The following PLXNA4 variants were observed in gnomAD, a reference collection of about 807,000 sequenced individuals.
The protein encoded by PLXNA4 is plexin-A4.
A neutral mutation model predicts 191.8 loss-of-function variants in PLXNA4; 44 were observed. The observed-to-expected ratio is 0.23, with a 90% CI of 0.18 to 0.29. The LOEUF is 0.29. Ranked by LOEUF, PLXNA4 falls within the 10% of genes least tolerant of loss-of-function variation. The pLI, the probability that PLXNA4 is intolerant of heterozygous loss-of-function variation, is 1.00. For missense variants in PLXNA4, 1,800 were observed against 2,488.8 expected, an observed-to-expected ratio of 0.72 and a Z score of 5.89; for synonymous variants, 1,082 against 1,009.5, an observed-to-expected ratio of 1.07 and a Z score of -1.36.
intron 1 of PLXNA4, among the ~76,000 whole-genome samples, chr7:132,526,947 T>A (rs762679353): frequency 6.6e-6 from 1 of 152,188 alleles, no homozygotes; most frequent in Non-Finnish European, 1.5e-5. Context: ...CAAGAGACAC[T>A]GATGAAGCAA....
At chr7:132,644,084 G>A (rs780191137) in intron 2 of PLXNA4, among the ~76,000 whole-genome samples, 9 of 152,136 alleles carry the variant, frequency 5.9e-5, no homozygotes, top group Non-Finnish European at 8.8e-5. Context: ...ATTTATTACC[G>A]TGGGTTGCAG....
intron 9 of PLXNA4, among the ~76,000 whole-genome samples, chr7:132,222,942 C>A (rs943878506): frequency 9.2e-5 from 14 of 152,304 alleles, no homozygotes; most frequent in Middle Eastern, 3.4e-3. Flanking sequence ...CTGCACCCTG[C>A]CCCCGGAGCT....
chr7:132,615,339 G>C (rs893508803), intron 2 of PLXNA4, among the ~76,000 whole-genome samples: 3 of 152,154 alleles, frequency 2.0e-5, no homozygotes, highest in Non-Finnish European at 2.9e-5. Flanking sequence ...TGTGCAGCAC[G>C]AACCCCACTC....
intron 1 of PLXNA4, among the ~76,000 whole-genome samples, chr7:132,567,078 G>A (rs1360003676): frequency 2.0e-5 from 3 of 152,034 alleles, no homozygotes; most frequent in Non-Finnish European, 2.9e-5. Context: ...CCACACAAAC[G>A]GATCCCCATG....
chr7:132,386,487 GC>G (rs1410508096), intron 3 of PLXNA4, among the ~76,000 whole-genome samples: 1 of 152,154 alleles, frequency 6.6e-6, no homozygotes, highest in African/African-American at 2.4e-5. Context: ...TTGCAGCCTA[GC>G]TTTTTCTTTC....
At chr7:132,307,822 A>G (rs1314065874) in intron 3 of PLXNA4, among the ~76,000 whole-genome samples, 1 of 152,156 alleles carries the variant, frequency 6.6e-6, no homozygotes, top group African/African-American at 2.4e-5. Context: ...GATTCCAGCC[A>G]GGAGAAAGGG....
At chr7:132,245,975 T>C (rs997707347) in intron 4 of PLXNA4, among the ~76,000 whole-genome samples, 2 of 152,232 alleles carry the variant, frequency 1.3e-5, no homozygotes, top group African/African-American at 4.8e-5. Flanking sequence ...AAAGACTTTC[T>C]GTTTGAGCAA....
At chr7:132,333,464 T>C (rs1172669146) in intron 3 of PLXNA4, among the ~76,000 whole-genome samples, 5 of 152,154 alleles carry the variant, frequency 3.3e-5, no homozygotes, top group Non-Finnish European at 7.4e-5. Context: ...TCTAGGCCAG[T>C]GCCAGTGCCA....
chr7:132,355,258 G>T (rs767680547), intron 3 of PLXNA4, among the ~76,000 whole-genome samples: 2 of 152,144 alleles, frequency 1.3e-5, no homozygotes, highest in South Asian at 4.1e-4. Context: ...CCAGCTTCCC[G>T]TGTCCCAATT....
At chr7:132,235,771 A>C (rs946063186) in intron 5 of PLXNA4, among the ~76,000 whole-genome samples, 1 of 152,156 alleles carries the variant, frequency 6.6e-6, no homozygotes, top group African/African-American at 2.4e-5. Context: ...TGGGAGGGGA[A>C]GATGGAGAGG....
chr7:132,198,130 G>A (rs1181921883), intron 13 of PLXNA4, among the ~76,000 whole-genome samples: 2 of 152,120 alleles, frequency 1.3e-5, no homozygotes, highest in Non-Finnish European at 2.9e-5. Context: ...GTGCTGGGGG[G>A]GATGTGAGCG....
At chr7:132,314,641 G>C (rs929566700) in intron 3 of PLXNA4, among the ~76,000 whole-genome samples, 1 of 152,184 alleles carries the variant, frequency 6.6e-6, no homozygotes, top group Non-Finnish European at 1.5e-5. Context: ...TTACTCTGGG[G>C]TTCCAAAAGA....
chr7:132,561,480 C>G (rs1462146871), intron 1 of PLXNA4, among the ~76,000 whole-genome samples: 5 of 137,244 alleles, frequency 3.6e-5, no homozygotes, highest in African/African-American at 8.3e-5. Flanking sequence ...CCTCCTTCTT[C>G]TCCTCCTCCT....
At chr7:132,419,571 G>A (rs1794780462) in intron 3 of PLXNA4, among the ~76,000 whole-genome samples, 1 of 152,208 alleles carries the variant, frequency 6.6e-6, no homozygotes, top group Non-Finnish European at 1.5e-5. Flanking sequence ...CTTACAACAA[G>A]TGATACACTC....
chr7:132,625,735 T>C (rs890879567), intron 2 of PLXNA4, among the ~76,000 whole-genome samples: 1 of 152,192 alleles, frequency 6.6e-6, no homozygotes, highest in African/African-American at 2.4e-5. Flanking sequence ...TGCACTGTCA[T>C]TGAAGAAGTC....
chr7:132,474,212 T>TCACA (rs1304784396), intron 3 of PLXNA4, among the ~76,000 whole-genome samples: 1 of 100,986 alleles, frequency 9.9e-6, no homozygotes, highest in African/African-American at 4.8e-5. Flanking sequence ...GATCTCTCTG[T>TCACA]CTCACACACA....
chr7:132,508,060 C>A lies in PLXNA4; in HGVS notation c.634G>T (p.Gly212Cys). The A allele has an allele frequency of 6.2e-7, 1 of 1,614,234 alleles. No homozygotes were observed. Among genetic ancestry groups the A allele is most frequent in the Non-Finnish European group, 8.5e-7 (1 of 1,180,042 alleles). The change falls in exon 2 of 32, where the codon GGC becomes TGC. Residue 212 changes from glycine (G) to cysteine (C), a missense_variant. Transcript: ENST00000321063. This position sits in a 1 kb window ranked among gnomAD's most constrained non-coding sequence, Gnocchi z 4.4. The stretch of plus-strand genomic sequence containing the variant: ...TCATGGAAGACGTACGCGAACATGC[C>A]ATCCGCCTCAGAGTTCTTGGTCAGT... ...RKLTKNSEAD[G>C]MFAYVFHDEF...
chr7:132,267,986 T>G (rs1427187192), intron 4 of PLXNA4, among the ~76,000 whole-genome samples: 1 of 152,214 alleles, frequency 6.6e-6, no homozygotes, highest in Non-Finnish European at 1.5e-5. Context: ...CAGTATTGAT[T>G]GGCTTGCTTG....
At chr7:132,614,074 C>T (rs1803105300) in intron 2 of PLXNA4, among the ~76,000 whole-genome samples, 1 of 152,160 alleles carries the variant, frequency 6.6e-6, no homozygotes, top group Non-Finnish European at 1.5e-5. Context: ...TCACCCAGTG[C>T]TATCCTGTAG....
Sources: gnomAD v4.1 joint callset for allele counts (sites outside exome capture counted in the v4.1 genomes callset) on GRCh38, gnomAD v4.1.1 for gene constraint, Gnocchi (gnomAD v3.1) non-coding constraint, MANE v1.5 for transcripts, NCBI Gene and HGNC (gene_info 2026-07-23, HGNC 2026-07-21) for gene names.